Variants in ZNF536 observed in about 807,000 individuals in gnomAD.
ZNF536 encodes the protein zinc finger protein 536.
ZNF536 carries 13 observed loss-of-function variants against 84.5 expected under a neutral mutation model. The ratio of observed to expected loss-of-function variants is 0.15; its 90% confidence interval spans 0.10 to 0.24. The LOEUF (loss-of-function observed/expected upper bound fraction) is 0.24. ZNF536 is among the 10% of genes least tolerant of loss of function. The pLI, the probability that ZNF536 is intolerant of heterozygous loss-of-function variation, is 1.00. For missense variants in ZNF536, 1,536 were observed against 1,747.5 expected, an observed-to-expected ratio of 0.88 and a Z score of 2.16; for synonymous variants, 811 against 742.5, an observed-to-expected ratio of 1.09 and a Z score of -1.50.
intron 2 of ZNF536, among the ~76,000 whole-genome samples, chr19:30,323,570 T>A (rs768412781): frequency 2.0e-5 from 3 of 152,160 alleles, no homozygotes; most frequent in Non-Finnish European, 4.4e-5. Flanking sequence ...AAACATACTA[T>A]CTCTATCAGA....
At chr19:30,420,122 G>A (rs955104212) in intron 1 of ZNF536, among the ~76,000 whole-genome samples, 2 of 152,224 alleles carry the variant, frequency 1.3e-5, no homozygotes, top group Admixed American at 6.5e-5. Flanking sequence ...CTGCTTGTGC[G>A]TGGCTGAGAA....
intron 2 of ZNF536, among the ~76,000 whole-genome samples, chr19:30,533,043 T>C (rs951408263): frequency 6.6e-6 from 1 of 152,136 alleles, no homozygotes; most frequent in Non-Finnish European, 1.5e-5. Context: ...AGCTAGGTAA[T>C]TATACCCTTT....
chr19:30,541,953 G>T (rs1295546121), intron 3 of ZNF536, among the ~76,000 whole-genome samples: 1 of 152,166 alleles, frequency 6.6e-6, no homozygotes, highest in East Asian at 1.9e-4. Context: ...CTGAAGCTTT[G>T]CTGCAAAGAC....
chr19:30,579,489 G>A (rs2046847497), intron 1 of ZNF536, among the ~76,000 whole-genome samples: 1 of 152,172 alleles, frequency 6.6e-6, no homozygotes, highest in Admixed American at 6.5e-5. Flanking sequence ...TCTCCAGCAG[G>A]TTAGCCTGGG....
intron 1 of ZNF536, among the ~76,000 whole-genome samples, chr19:30,374,466 G>A (rs945824594): frequency 1.3e-5 from 2 of 151,952 alleles, no homozygotes; most frequent in South Asian, 4.2e-4. Context: ...GTAGTGCTAA[G>A]AGAACAGAGA....
intron 2 of ZNF536, among the ~76,000 whole-genome samples, chr19:30,488,416 G>A (rs2054378170): frequency 6.6e-6 from 1 of 152,040 alleles, no homozygotes; most frequent in Non-Finnish European, 1.5e-5. Flanking sequence ...ATCAATTCCT[G>A]ACTCATTCCC....
chr19:30,234,744 TACACACACAC>T (rs111232052), intron 1 of ZNF536, among the ~76,000 whole-genome samples: 36 of 147,738 alleles, frequency 2.4e-4, no homozygotes, highest in South Asian at 1.1e-3. Flanking sequence ...ATTACTAAAT[TACACACACAC>T]ACACACACAC....
intron 1 of ZNF536, among the ~76,000 whole-genome samples, chr19:30,383,701 C>CTTTCTTTCTCTT (rs1555737833): frequency 8.7e-5 from 1 of 11,546 alleles, no homozygotes; most frequent in East Asian, 5.3e-4. Context: ...TCTTTTCTTT[C>CTTTCTTTCTCTT]TCTTTCTTTC....
chr19:30,471,844 T>C (rs1202120108), intron 2 of ZNF536, among the ~76,000 whole-genome samples: 1 of 152,274 alleles, frequency 6.6e-6, no homozygotes, highest in African/African-American at 2.4e-5. Context: ...TTTTTTTAAA[T>C]GCTACTTTTA....
intron 2 of ZNF536, among the ~76,000 whole-genome samples, chr19:30,319,752 T>C (rs1198115495): frequency 6.6e-6 from 1 of 152,226 alleles, no homozygotes; most frequent in Non-Finnish European, 1.5e-5. Flanking sequence ...AATTATTAAA[T>C]GGCAGAATTG....
chr19:30,251,046 A>T (rs1026029181), intron 1 of ZNF536, among the ~76,000 whole-genome samples: 9 of 152,194 alleles, frequency 5.9e-5, no homozygotes, highest in Admixed American at 3.3e-4. Flanking sequence ...TACAAAGAAC[A>T]TGTGGGGTCT....
intron 1 of ZNF536, among the ~76,000 whole-genome samples, chr19:30,390,837 C>T (rs2049558521): frequency 6.6e-6 from 1 of 152,184 alleles, no homozygotes; most frequent in Non-Finnish European, 1.5e-5. Flanking sequence ...CCCCCGTTGG[C>T]ACCAATGGGG....
chr19:30,532,736 C>T (rs1479244098), intron 2 of ZNF536, among the ~76,000 whole-genome samples: 2 of 152,174 alleles, frequency 1.3e-5, no homozygotes, highest in Non-Finnish European at 2.9e-5. Flanking sequence ...TTGCCACTGT[C>T]TAAAGCTAGG....
chr19:30,495,993 T>A (rs2054704129), intron 2 of ZNF536, among the ~76,000 whole-genome samples: 1 of 152,206 alleles, frequency 6.6e-6, no homozygotes, highest in Non-Finnish European at 1.5e-5. Context: ...TGCAACAGCC[T>A]CCATAATGAT....
intron 1 of ZNF536, among the ~76,000 whole-genome samples, chr19:30,277,797 G>T (rs1323397768): frequency 6.6e-6 from 1 of 152,232 alleles, no homozygotes; most frequent in Non-Finnish European, 1.5e-5. Flanking sequence ...TCTAGTGCTT[G>T]TCCTCCTCTT....
chr19:30,250,186 C>T (rs1467669964), intron 1 of ZNF536, among the ~76,000 whole-genome samples: 3 of 152,182 alleles, frequency 2.0e-5, no homozygotes, highest in Non-Finnish European at 4.4e-5. Flanking sequence ...TCTGTCTATT[C>T]CTGTGGTGTT....
intron 1 of ZNF536, among the ~76,000 whole-genome samples, chr19:30,694,581 G>A (rs2051572811): frequency 6.6e-6 from 1 of 152,198 alleles, no homozygotes; most frequent in Non-Finnish European, 1.5e-5. Context: ...CCTCCAGGAA[G>A]ATCTTGCCAG....
At chr19:30,586,352 G>A (rs2047094167) in intron 1 of ZNF536, among the ~76,000 whole-genome samples, 1 of 152,230 alleles carries the variant, frequency 6.6e-6, no homozygotes, top group Non-Finnish European at 1.5e-5. Context: ...TAGTGAGAAT[G>A]TGCGGCCACC....
At chr19:30,542,269 G>A (rs2045360750) in intron 3 of ZNF536, among the ~76,000 whole-genome samples, 1 of 152,110 alleles carries the variant, frequency 6.6e-6, no homozygotes, top group South Asian at 2.1e-4. Flanking sequence ...GGGTTCCTTT[G>A]ACATATCAAC....
Sources: gnomAD v4.1 joint callset for allele counts (sites outside exome capture counted in the v4.1 genomes callset) on GRCh38, gnomAD v4.1.1 for gene constraint, MANE v1.5 for transcripts, NCBI Gene and HGNC (gene_info 2026-07-23, HGNC 2026-07-21) for gene names.